AK9: variants seen among roughly 807,000 people sequenced by gnomAD.
AK9 encodes the protein adenylate kinase domain containing 1.
AK9 carries 191 observed loss-of-function variants against 239.6 expected under a neutral mutation model. That is an observed-to-expected ratio of 0.80 (90% CI 0.71 to 0.90). The LOEUF (loss-of-function observed/expected upper bound fraction) is 0.90. Ranked by LOEUF, AK9 falls within the 40% of genes least tolerant of loss-of-function variation. AK9 has a pLI of 0.00. For missense variants in AK9, 1,995 were observed against 2,214.7 expected (o/e 0.90, Z 1.99); for synonymous variants, 689 against 721.0 (o/e 0.96, Z 0.71).
intron 3 of AK9, among the ~76,000 whole-genome samples, chr6:109,672,593 G>A (rs974018944): frequency 1.3e-5 from 2 of 152,130 alleles, no homozygotes; most frequent in Non-Finnish European, 2.9e-5. Flanking sequence ...AGCTGACGTG[G>A]GGTGATCACT....
At chr6:109,584,461 A>G (rs2128210911) in intron 19 of AK9, among the ~76,000 whole-genome samples, 1 of 152,294 alleles carries the variant, frequency 6.6e-6, no homozygotes, top group South Asian at 2.1e-4. Context: ...ATTAAAACGT[A>G]AAGTATTTAA....
At position 109,550,301 on chromosome 6, in the gene AK9, C is replaced by A; in HGVS notation, c.2753G>T (p.Gly918Val). ...EELEEEEEEE[G>V]EDKMKERKRH... is the part of the protein sequence containing the mutation. ...CTTTCTCTCCTTCATTTTATCTTCA[C>A]CCTAGAAACGGTATTCAAAGTTTGG... is the stretch of plus-strand genomic sequence containing the variant. The change falls in exon 25 of 41, where the codon GGT becomes GTT. Residue 918 changes from glycine (G) to valine (V), a missense_variant and splice_region_variant. This residue lies in a region of AK9 where 1,290 missense variants were observed against 1,392.7 expected (regional missense o/e 0.93). Coordinates refer to ENST00000424296, the MANE Select transcript of AK9 (RefSeq NM_001145128.3). The A allele has an allele frequency of 6.2e-7, 1 of 1,604,538 alleles. No individual in the cohort carries two copies. The highest frequency in any genetic ancestry group is 1.7e-5 in the Admixed American group (1 of 58,982).
intron 35 of AK9, among the ~76,000 whole-genome samples, chr6:109,503,035 A>G (rs1314769725): frequency 1.3e-5 from 2 of 152,050 alleles, no homozygotes; most frequent in African/African-American, 4.8e-5. Flanking sequence ...TTATGCAACA[A>G]TAGATAACAA....
intron 17 of AK9, 101 bp from the exon 18 acceptor site, chr6:109,586,173 G>T: frequency 1.9e-6 from 2 of 1,028,982 alleles, no homozygotes; most frequent in South Asian, 2.3e-5. Context: ...TATCTTTTGA[G>T]TTCTTCTTTC....
chr6:109,610,072 T>C (rs1279520907), intron 17 of AK9, among the ~76,000 whole-genome samples: 1 of 152,214 alleles, frequency 6.6e-6, no homozygotes, highest in Non-Finnish European at 1.5e-5. Context: ...ATATGCATCA[T>C]CTTTTAACTA....
intron 7 of AK9, among the ~76,000 whole-genome samples, chr6:109,657,271 T>C (rs911678298): frequency 2.6e-5 from 4 of 152,102 alleles, no homozygotes; most frequent in African/African-American, 7.2e-5. Context: ...GGATTTGGAA[T>C]AGAACAGTGA....
chr6:109,595,558 T>A (rs560281557), intron 17 of AK9, among the ~76,000 whole-genome samples: 1 of 152,244 alleles, frequency 6.6e-6, no homozygotes, highest in Admixed American at 6.5e-5. Flanking sequence ...ACATGTATGT[T>A]TATTGTGGCA....
intron 3 of AK9, among the ~76,000 whole-genome samples, chr6:109,673,340 T>C (rs201184894): frequency 6.6e-6 from 1 of 152,092 alleles, no homozygotes; most frequent in East Asian, 1.9e-4. Flanking sequence ...ATTGTAGTAA[T>C]TGTAAAGATT....
intron 17 of AK9, among the ~76,000 whole-genome samples, chr6:109,605,858 G>A (rs1261335774): frequency 2.6e-5 from 4 of 152,112 alleles, no homozygotes; most frequent in South Asian, 2.1e-4. Context: ...TAACTGTGGG[G>A]AGAAGGTGAA....
chr6:109,599,443 T>G (rs1791585504), intron 17 of AK9, among the ~76,000 whole-genome samples: 1 of 152,250 alleles, frequency 6.6e-6, no homozygotes, highest in South Asian at 2.1e-4. Flanking sequence ...TGTATCTGTT[T>G]GGGTACCAGC....
At chr6:109,528,792 G>A in intron 29 of AK9, 1 of 708,538 alleles carries the variant, frequency 1.4e-6, no homozygotes. Flanking sequence ...TTACAAGAGG[G>A]TCAGCCTTGA....
intron 29 of AK9, 142 bp from the exon 30 acceptor site, chr6:109,516,784 T>G (rs1582800461): frequency 1.4e-6 from 1 of 730,462 alleles, no homozygotes; most frequent in East Asian, 2.7e-5. Context: ...CGCAATAAGG[T>G]TTTAAATATC....
chr6:109,516,688 A>AG, intron 29 of AK9, 46 bp from the exon 30 acceptor site: 1 of 1,421,772 alleles, frequency 7.0e-7, no homozygotes, highest in Non-Finnish European at 9.6e-7. Flanking sequence ...AAAATATGTA[A>AG]CAAAAGACAC....
chr6:109,550,441 ATTT>A, intron 24 of AK9, 139 bp from the exon 25 acceptor site: 1 of 628,802 alleles, frequency 1.6e-6, no homozygotes, highest in Non-Finnish European at 2.5e-6. Flanking sequence ...TCCTTATATT[ATTT>A]TAATTAATTA....
At position 109,645,211 on chromosome 6, in the gene AK9, C is replaced by T. The variant is rs910015854; in HGVS notation, c.760-523G>A. ...GTTCATCTCAATGGGACTGGTTGGA[C>T]AGTGGGTGCAGCCCATGGAGGGCGA... On this transcript the variant is annotated intron_variant, in intron 8 of 40. Coordinates refer to ENST00000424296, the MANE Select transcript of AK9 (RefSeq NM_001145128.3). Among the ~76,000 whole-genome samples the T allele has an allele frequency of 7.2e-5, 11 of 152,250 alleles. No individual in the cohort carries two copies. The East Asian group carries it at 1.4e-3, about 19-fold the overall frequency.
At chr6:109,528,590 T>C (rs746800079) in intron 29 of AK9, 6 of 458,086 alleles carry the variant, frequency 1.3e-5, no homozygotes, top group Non-Finnish European at 4.4e-6. Flanking sequence ...TGGCCCCGCT[T>C]CTGCAATGCT....
chr6:109,585,090 T>A, intron 19 of AK9, 33 bp downstream of exon 19: 2 of 1,068,576 alleles, frequency 1.9e-6, no homozygotes, highest in Non-Finnish European at 2.3e-6. Flanking sequence ...AACAGATACA[T>A]TAATCTGTTT....
chr6:109,551,108 T>A (rs1784302314), intron 24 of AK9, among the ~76,000 whole-genome samples: 1 of 152,140 alleles, frequency 6.6e-6, no homozygotes, highest in Admixed American at 6.5e-5. Flanking sequence ...ATACTTTACA[T>A]ACTTATTTAC....
chr6:109,604,368 T>C (rs1183162586), intron 17 of AK9, among the ~76,000 whole-genome samples: 2 of 152,234 alleles, frequency 1.3e-5, no homozygotes, highest in Non-Finnish European at 2.9e-5. Context: ...AAATAAAATA[T>C]CATTTTTACG....
Sources: allele counts gnomAD v4.1 joint callset (sites outside exome capture counted in the v4.1 genomes callset), GRCh38; gene constraint gnomAD v4.1.1; regional missense constraint gnomAD v4.1.1; transcripts MANE v1.5; gene names NCBI Gene and HGNC (gene_info 2026-07-23, HGNC 2026-07-21).